Variants in FYN observed in about 807,000 individuals in gnomAD.
FYN encodes FYN proto-oncogene, Src family tyrosine kinase, also known as tyrosine-protein kinase Fyn.
Under a neutral mutation model 70.2 loss-of-function variants are expected in FYN, and 10 were observed. That is an observed-to-expected ratio of 0.14 (90% CI 0.09 to 0.24). The LOEUF is 0.24. FYN is among the 10% of genes least tolerant of loss of function. The probability of loss-of-function intolerance (pLI) is 1.00; values close to 1 mark genes in which losing one functional copy is unlikely to be tolerated. For missense variants in FYN, 319 were observed against 673.1 expected, an observed-to-expected ratio of 0.47 and a Z score of 5.82; for synonymous variants, 236 against 248.6, an observed-to-expected ratio of 0.95 and a Z score of 0.48.
chr6:111,816,616 T>C (rs1772497439), intron 2 of FYN, among the ~76,000 whole-genome samples: 1 of 152,164 alleles, frequency 6.6e-6, no homozygotes, highest in African/African-American at 2.4e-5. Context: ...AAGTTAAAAT[T>C]GCAGAGTATC....
chr6:111,697,853 C>A (rs1799641077), intron 9 of FYN, among the ~76,000 whole-genome samples: 1 of 152,054 alleles, frequency 6.6e-6, no homozygotes, highest in African/African-American at 2.4e-5. Context: ...CTAATAGGGT[C>A]CAATTCTCTG....
At chr6:111,773,550 AGACGCAGAG>A (rs1322346158) in intron 3 of FYN, among the ~76,000 whole-genome samples, 23 of 34,424 alleles carry the variant, frequency 6.7e-4, no homozygotes, top group African/African-American at 8.6e-4. Context: ...AGGGAGAGGG[AGACGCAGAG>A]GAGGGAGAGG....
intron 2 of FYN, among the ~76,000 whole-genome samples, chr6:111,805,928 C>T (rs1772132364): frequency 6.6e-6 from 1 of 152,142 alleles, no homozygotes; most frequent in Non-Finnish European, 1.5e-5. Context: ...AGTAGTTCCT[C>T]CAGCGTGTTT....
At chr6:111,761,915 G>T (rs1237224623) in intron 3 of FYN, among the ~76,000 whole-genome samples, 1 of 152,190 alleles carries the variant, frequency 6.6e-6, no homozygotes, top group African/African-American at 2.4e-5. Context: ...TGCTGAGACT[G>T]CTCAGCAATC....
At chr6:111,720,789 T>TA (rs1003298676) in intron 3 of FYN, among the ~76,000 whole-genome samples, 8 of 151,432 alleles carry the variant, frequency 5.3e-5, no homozygotes, top group Non-Finnish European at 8.8e-5. Flanking sequence ...TCAAAAACAT[T>TA]AAAAAAAAAT....
chr6:111,750,081 C>T (rs544445788), intron 3 of FYN, among the ~76,000 whole-genome samples: 1 of 152,294 alleles, frequency 6.6e-6, no homozygotes, highest in South Asian at 2.1e-4. Context: ...TTTGAAGTAG[C>T]TCCTGCCTTT....
intron 2 of FYN, among the ~76,000 whole-genome samples, chr6:111,797,166 T>C (rs1216464396): frequency 6.6e-6 from 1 of 152,176 alleles, no homozygotes; most frequent in Non-Finnish European, 1.5e-5. Flanking sequence ...ATCAGGGTCA[T>C]GAGCAAAGAA....
At chr6:111,692,104 C>CA (rs1044137132) in intron 12 of FYN, among the ~76,000 whole-genome samples, 2 of 145,886 alleles carry the variant, frequency 1.4e-5, no homozygotes, top group African/African-American at 5.0e-5. Context: ...CTTCATTTCC[C>CA]CCCCCCCCAG....
intron 2 of FYN, among the ~76,000 whole-genome samples, chr6:111,827,298 T>G (rs1772866587): frequency 6.6e-6 from 1 of 152,250 alleles, no homozygotes; most frequent in Non-Finnish European, 1.5e-5. Context: ...ATTAAGAAGC[T>G]GAGTGTTCTA....
chr6:111,745,703 G>A (rs1562502096), intron 3 of FYN, among the ~76,000 whole-genome samples: 1 of 152,206 alleles, frequency 6.6e-6, no homozygotes, highest in African/African-American at 2.4e-5. Context: ...TGTTCTGGAG[G>A]GAGAAGGTGA....
At chr6:111,828,663 A>T (rs1414275817) in intron 2 of FYN, among the ~76,000 whole-genome samples, 1 of 152,216 alleles carries the variant, frequency 6.6e-6, no homozygotes, top group Non-Finnish European at 1.5e-5. Flanking sequence ...TGTAGGACAC[A>T]TTCTATATGA....
At chr6:111,680,358 T>A (rs1418262327) in intron 12 of FYN, among the ~76,000 whole-genome samples, 1 of 152,200 alleles carries the variant, frequency 6.6e-6, no homozygotes, top group Non-Finnish European at 1.5e-5. Context: ...ATTATATATG[T>A]CAACTACAAT....
chr6:111,786,074 T>TTAC, intron 2 of FYN, among the ~76,000 whole-genome samples: 1 of 150,308 alleles, frequency 6.7e-6, no homozygotes, highest in Non-Finnish European at 1.5e-5. Flanking sequence ...TATTTTTTTA[T>TTAC]TATACTTTAA....
chr6:111,678,506 A>C (rs1343405422), intron 12 of FYN, among the ~76,000 whole-genome samples: 1 of 152,190 alleles, frequency 6.6e-6, no homozygotes, highest in Non-Finnish European at 1.5e-5. Flanking sequence ...GTGTAATATC[A>C]GGGATCTTAT....
chr6:111,730,946 G>C (rs1801419574), intron 3 of FYN, among the ~76,000 whole-genome samples: 1 of 152,232 alleles, frequency 6.6e-6, no homozygotes. Context: ...GCAGAGCCTA[G>C]CTTTCTGGGC....
At chr6:111,855,193 T>C (rs1773793376) in intron 1 of FYN, among the ~76,000 whole-genome samples, 1 of 152,202 alleles carries the variant, frequency 6.6e-6, no homozygotes, top group Non-Finnish European at 1.5e-5. Context: ...ATTCAAATAA[T>C]ATTTTTTTTC....
intron 2 of FYN, among the ~76,000 whole-genome samples, chr6:111,794,148 AC>A (rs1460570994): frequency 5.3e-5 from 8 of 152,148 alleles, no homozygotes; most frequent in Non-Finnish European, 1.2e-4. Flanking sequence ...TTCTTTGGTC[AC>A]TCTGTTTCCC....
At chr6:111,865,272 T>C (rs908255736) in intron 1 of FYN, among the ~76,000 whole-genome samples, 2 of 152,148 alleles carry the variant, frequency 1.3e-5, no homozygotes, top group Non-Finnish European at 2.9e-5. Context: ...GCTTCCTAAG[T>C]ATACCCAAGA....
intron 12 of FYN, among the ~76,000 whole-genome samples, chr6:111,676,266 A>G (rs1024061420): frequency 6.6e-6 from 1 of 152,240 alleles, no homozygotes; most frequent in African/African-American, 2.4e-5. Flanking sequence ...TCTGTGTGAA[A>G]TGAAATGAAA....
Sources: gnomAD v4.1 joint callset for allele counts (sites outside exome capture counted in the v4.1 genomes callset) on GRCh38, gnomAD v4.1.1 for gene constraint, MANE v1.5 for transcripts, NCBI Gene and HGNC (gene_info 2026-07-23, HGNC 2026-07-21) for gene names.